The following ZNF516 variants were observed in gnomAD, a reference collection of about 807,000 sequenced individuals.
ZNF516 encodes zinc finger protein 516.
A neutral mutation model predicts 79.7 loss-of-function variants in ZNF516; 19 were observed. The ratio of observed to expected loss-of-function variants is 0.24; its 90% CI spans 0.17 to 0.35. The LOEUF is 0.35. Ranked by LOEUF, ZNF516 falls within the 10% of genes least tolerant of loss-of-function variation. The pLI is 1.00. For synonymous variants in ZNF516, 877 were observed against 739.5 expected (o/e 1.19, Z -3.02); for missense variants, 1,678 against 1,679.5 (o/e 1.00, Z 0.02).
intron 3 of ZNF516, among the ~76,000 whole-genome samples, chr18:76,409,825 T>A (rs1417975493): frequency 1.3e-5 from 2 of 152,004 alleles, no homozygotes; most frequent in African/African-American, 4.8e-5. Flanking sequence ...ACATTAGAGG[T>A]GGTATGGTTT....
rs200758459 is a variant in ZNF516, at chr18:76,416,931, G to GA, written c.1810+24313dup. ...CTGTTGTTAATAAGCAAACAAAAAAGAAAAAAAAACGAATGCAGAAATATT... is the reference window on the plus strand; with the variant it reads ...CTGTTGTTAATAAGCAAACAAAAAAGAAAAAAAAAACGAATGCAGAAATATT... On this transcript the variant is annotated intron_variant, in intron 3 of 6. Transcript: ENST00000443185. Among the ~76,000 whole-genome samples the GA allele has an allele frequency of 2.5e-3, 379 of 149,038 alleles. 1 individual carries two copies. The highest frequency in any genetic ancestry group is 8.3e-3 in the African/African-American group (339 of 40,600).
chr18:76,450,189 G>GGC (rs917792719), intron 2 of ZNF516, among the ~76,000 whole-genome samples: 1 of 142,646 alleles, frequency 7.0e-6, no homozygotes, highest in African/African-American at 2.6e-5. Flanking sequence ...ACTAAAGGGG[G>GGC]GGGGGTGTTT....
At chr18:76,482,052 A>T (rs959429069) in intron 1 of ZNF516, among the ~76,000 whole-genome samples, 3 of 152,228 alleles carry the variant, frequency 2.0e-5, no homozygotes, top group Non-Finnish European at 2.9e-5. Context: ...GCCTGTATTA[A>T]AACAACCAGT....
intron 3 of ZNF516, among the ~76,000 whole-genome samples, chr18:76,399,428 T>G (rs971785380): frequency 1.3e-5 from 2 of 152,242 alleles, no homozygotes; most frequent in Non-Finnish European, 2.9e-5. Flanking sequence ...GCAAACTATG[T>G]CCATGAACAT....
chr18:76,430,176 T>A (rs1293732096), intron 3 of ZNF516, among the ~76,000 whole-genome samples: 1 of 152,234 alleles, frequency 6.6e-6, no homozygotes, highest in Admixed American at 6.5e-5. Context: ...GGCCTTGATT[T>A]CAGTCTCATG....
intron 3 of ZNF516, among the ~76,000 whole-genome samples, chr18:76,401,567 C>T (rs1418698352): frequency 1.3e-5 from 2 of 152,018 alleles, no homozygotes; most frequent in Non-Finnish European, 1.5e-5. Context: ...CGGGCTTCTC[C>T]GAGGCCATCT....
At chr18:76,425,811 GT>G (rs1209911343) in intron 3 of ZNF516, among the ~76,000 whole-genome samples, 1 of 152,156 alleles carries the variant, frequency 6.6e-6, no homozygotes, top group Non-Finnish European at 1.5e-5. Flanking sequence ...CCCACGAGGG[GT>G]CGAGGTCCAG....
At chr18:76,404,175 G>A (rs984745356) in intron 3 of ZNF516, among the ~76,000 whole-genome samples, 2 of 152,248 alleles carry the variant, frequency 1.3e-5, no homozygotes, top group African/African-American at 4.8e-5. Context: ...GCAAAGGGAA[G>A]ACCCTCGGAA....
At chr18:76,401,425 C>G (rs1431507252) in intron 3 of ZNF516, among the ~76,000 whole-genome samples, 8 of 152,174 alleles carry the variant, frequency 5.3e-5, no homozygotes, top group Non-Finnish European at 8.8e-5. Flanking sequence ...TTCGCAGGAG[C>G]TCGTTGACCA....
intron 3 of ZNF516, among the ~76,000 whole-genome samples, chr18:76,422,279 G>A (rs73975422): frequency 0.02 from 3,056 of 152,020 alleles, 83 homozygotes; most frequent in African/African-American, 0.07. Context: ...AAGAGCCTGC[G>A]GAGAGCGGGC....
At chr18:76,454,913 T>C (rs1912626944) in intron 2 of ZNF516, among the ~76,000 whole-genome samples, 1 of 152,214 alleles carries the variant, frequency 6.6e-6, no homozygotes, top group African/African-American at 2.4e-5. Flanking sequence ...TGGGCACATT[T>C]TTCTAAGCCA....
intron 1 of ZNF516, among the ~76,000 whole-genome samples, chr18:76,473,351 T>C (rs1272165170): frequency 3.1e-5 from 3 of 98,328 alleles, no homozygotes; most frequent in Admixed American, 1.3e-4. Context: ...CTATTTGCTC[T>C]CTGCAAAAAA....
chr18:76,464,233 G>A (rs1051185582), intron 1 of ZNF516, among the ~76,000 whole-genome samples: 15 of 152,196 alleles, frequency 9.9e-5, no homozygotes, highest in African/African-American at 2.9e-4. Flanking sequence ...AACGTGGCAC[G>A]TGGTGGCGTG....
chr18:76,367,578 C>T (rs1417901346), intron 6 of ZNF516, among the ~76,000 whole-genome samples: 7 of 152,312 alleles, frequency 4.6e-5, no homozygotes, highest in Non-Finnish European at 7.3e-5. Flanking sequence ...TCCTCCACTC[C>T]GGGCCTTCCA....
At chr18:76,431,725 T>C (rs1325203930) in intron 3 of ZNF516, among the ~76,000 whole-genome samples, 1 of 152,182 alleles carries the variant, frequency 6.6e-6, no homozygotes, top group Non-Finnish European at 1.5e-5. Flanking sequence ...ATGTGACACA[T>C]GGGCTCCCCT....
At chr18:76,426,281 T>C (rs930339100) in intron 3 of ZNF516, among the ~76,000 whole-genome samples, 1 of 152,216 alleles carries the variant, frequency 6.6e-6, no homozygotes, top group African/African-American at 2.4e-5. Flanking sequence ...TTTGCTGATA[T>C]GAGGTAGCCA....
intron 3 of ZNF516, among the ~76,000 whole-genome samples, chr18:76,401,873 T>TCCACCACCAACCACACCCCCGCGCCGC (rs2075232543): frequency 4.4e-4 from 1 of 2,276 alleles, no homozygotes; most frequent in Non-Finnish European, 7.3e-4. Flanking sequence ...ACCCCTCCAC[T>TCCACCACCAACCACACCCCCGCGCCGC]ACTGTTTATA....
chr18:76,427,088 C>G (rs1306024972), intron 3 of ZNF516, among the ~76,000 whole-genome samples: 1 of 152,238 alleles, frequency 6.6e-6, no homozygotes, highest in East Asian at 1.9e-4. Context: ...AGAGAACGGG[C>G]ACAATGCCGG....
At chr18:76,399,157 C>T (rs566562016) in intron 3 of ZNF516, among the ~76,000 whole-genome samples, 26 of 152,290 alleles carry the variant, frequency 1.7e-4, no homozygotes, top group African/African-American at 5.3e-4. Flanking sequence ...GTGTGGTCCC[C>T]GTACATGGAA....
Sources: gnomAD v4.1 joint callset for allele counts (sites outside exome capture counted in the v4.1 genomes callset) on GRCh38, gnomAD v4.1.1 for gene constraint, MANE v1.5 for transcripts, NCBI Gene and HGNC (gene_info 2026-07-23, HGNC 2026-07-21) for gene names.